Variants in USH2A observed in about 807,000 individuals in gnomAD.
The protein encoded by USH2A is usherin.
USH2A carries 443 observed loss-of-function variants against 538.9 expected under a neutral mutation model. That is an observed-to-expected ratio of 0.82 (90% CI 0.76 to 0.89). The LOEUF is 0.89. Among genes scored for constraint, USH2A ranks in the 40% least tolerant of loss-of-function variants. The pLI is 0.00. For synonymous variants in USH2A, 2,413 were observed against 2,273.5 expected (o/e 1.06, Z -1.75); for missense variants, 6,633 against 6,324.8 (o/e 1.05, Z -1.65).
intron 61 of USH2A, among the ~76,000 whole-genome samples, chr1:215,702,727 G>T (rs1417736212): frequency 6.6e-6 from 1 of 151,372 alleles, no homozygotes; most frequent in African/African-American, 2.4e-5. Flanking sequence ...TTTTTTTCAA[G>T]GTTCTTAGCT....
chr1:216,238,480 T>A (rs2035872525), intron 13 of USH2A, among the ~76,000 whole-genome samples: 1 of 152,226 alleles, frequency 6.6e-6, no homozygotes. Flanking sequence ...TACATTCATA[T>A]ATGTACACAC....
intron 38 of USH2A, among the ~76,000 whole-genome samples, chr1:215,904,234 C>A (rs1017327288): frequency 2.0e-5 from 3 of 151,874 alleles, no homozygotes; most frequent in Admixed American, 6.6e-5. Flanking sequence ...CACACAAAAC[C>A]CCTTATGTGT....
chr1:216,145,347 G>GA, intron 21 of USH2A, among the ~76,000 whole-genome samples: 1 of 152,292 alleles, frequency 6.6e-6, no homozygotes, highest in East Asian at 1.9e-4. Context: ...CTCCTTGGGG[G>GA]ATCCAGGGGC....
chr1:216,130,903 G>T (rs2102602253), intron 21 of USH2A, among the ~76,000 whole-genome samples: 1 of 151,902 alleles, frequency 6.6e-6, no homozygotes, highest in South Asian at 2.1e-4. Context: ...CATAGTGGTT[G>T]TACTAGTTTA....
chr1:216,132,740 C>A (rs1316900432), intron 21 of USH2A, among the ~76,000 whole-genome samples: 1 of 152,032 alleles, frequency 6.6e-6, no homozygotes, highest in East Asian at 1.9e-4. Context: ...TGAAGTTGTC[C>A]TCTGCTAGCC....
At position 215,648,732 on chromosome 1, in the gene USH2A, T is replaced by G. The variant is rs200084792; in HGVS notation, c.14378A>C (p.His4793Pro). 6.2e-7 allele frequency: 1 copy of G among 1,613,984 alleles called. No individual in the cohort carries two copies. Among genetic ancestry groups the G allele is most frequent in the African/African-American group, 1.3e-5 (1 of 74,908 alleles). The change falls in exon 66 of 72, where the codon CAT (histidine) becomes CCT (proline). Residue 4793 changes from histidine to proline, a missense_variant. Transcript: ENST00000307340. ...SEGMATQQTL[H>P]GLQAFTNYSI... is the part of the protein sequence containing the mutation. ...GTAGTTAGTGAAGGCTTGAAGGCCA[T>G]GGAGAGTCTGCTGGGTGGCCATGCC...
At chr1:215,644,864 C>T (rs1209688609) in intron 67 of USH2A, among the ~76,000 whole-genome samples, 1 of 152,132 alleles carries the variant, frequency 6.6e-6, no homozygotes, top group Non-Finnish European at 1.5e-5. Context: ...CACATCACTG[C>T]AGGGGAAGAG....
intron 38 of USH2A, among the ~76,000 whole-genome samples, chr1:215,924,359 A>G (rs758710867): frequency 6.6e-6 from 1 of 152,112 alleles, no homozygotes; most frequent in African/African-American, 2.4e-5. Context: ...GCTGATGAAA[A>G]GAGGTTGGAA....
chr1:215,835,508 A>C (rs1256457250), intron 47 of USH2A, among the ~76,000 whole-genome samples: 1 of 152,112 alleles, frequency 6.6e-6, no homozygotes. Flanking sequence ...AGTAGCCCTC[A>C]GTTTCTCCAG....
At chr1:215,741,091 T>A (rs575950505) in intron 60 of USH2A, among the ~76,000 whole-genome samples, 1 of 152,274 alleles carries the variant, frequency 6.6e-6, no homozygotes, top group Non-Finnish European at 1.5e-5. Flanking sequence ...TATAAGCCTA[T>A]GTGGGCTATA....
chr1:215,645,734 G>A (rs115193695), intron 67 of USH2A, among the ~76,000 whole-genome samples: 98 of 152,124 alleles, frequency 6.4e-4, no homozygotes, highest in African/African-American at 2.3e-3. Flanking sequence ...AGTATTTTAG[G>A]TAAGATTTAT....
intron 18 of USH2A, among the ~76,000 whole-genome samples, chr1:216,197,690 C>T (rs1051242721): frequency 2.0e-5 from 3 of 151,986 alleles, no homozygotes; most frequent in East Asian, 1.9e-4. Context: ...CTTAAAGGCT[C>T]ATGAAATTTG....
intron 47 of USH2A, among the ~76,000 whole-genome samples, chr1:215,832,638 G>A (rs1188551654): frequency 2.6e-5 from 4 of 151,840 alleles, no homozygotes; most frequent in Admixed American, 2.0e-4. Flanking sequence ...AATTTCATAC[G>A]TAACATCACA....
At chr1:215,710,648 A>T (rs1659314892) in intron 61 of USH2A, among the ~76,000 whole-genome samples, 1 of 152,110 alleles carries the variant, frequency 6.6e-6, no homozygotes, top group Admixed American at 6.5e-5. Context: ...TAGACTACAG[A>T]CACTAAAAGC....
chr1:215,627,047 AATGCAT>A (rs1571912912), intron 71 of USH2A, among the ~76,000 whole-genome samples: 1 of 152,332 alleles, frequency 6.6e-6, no homozygotes, highest in East Asian at 1.9e-4. Context: ...GTGATTTTAA[AATGCAT>A]ATTATATATA....
intron 21 of USH2A, among the ~76,000 whole-genome samples, chr1:216,173,174 A>C (rs1465984666): frequency 6.6e-6 from 1 of 152,138 alleles, no homozygotes; most frequent in Non-Finnish European, 1.5e-5. Context: ...AAAGTTATTG[A>C]GTTGGTTTTG....
chr1:216,015,654 T>C (rs1490217818), intron 32 of USH2A, among the ~76,000 whole-genome samples: 5 of 152,222 alleles, frequency 3.3e-5, no homozygotes, highest in Non-Finnish European at 7.3e-5. Flanking sequence ...AGCATTCCTA[T>C]TTCTCCACAT....
At chr1:215,900,688 C>G in intron 39 of USH2A, 67 bp downstream of exon 39, 1 of 1,606,944 alleles carries the variant, frequency 6.2e-7, no homozygotes, top group Non-Finnish European at 8.5e-7. Context: ...AACTGACCTA[C>G]TCTTCAAAAA....
chr1:216,117,814 G>GTA (rs146211624), intron 21 of USH2A, among the ~76,000 whole-genome samples: 168 of 144,774 alleles, frequency 1.2e-3, no homozygotes, highest in Middle Eastern at 3.6e-3. Flanking sequence ...ATATATATAT[G>GTA]TATATATATA....
Sources: allele counts gnomAD v4.1 joint callset (sites outside exome capture counted in the v4.1 genomes callset), GRCh38; gene constraint gnomAD v4.1.1; transcripts MANE v1.5; gene names NCBI Gene and HGNC (gene_info 2026-07-23, HGNC 2026-07-21).